The following CASR variants were observed in gnomAD, a reference collection of about 807,000 sequenced individuals.
CASR encodes extracellular calcium-sensing receptor.
Under a neutral mutation model 69.1 loss-of-function variants are expected in CASR, and 23 were observed. The ratio of observed to expected loss-of-function variants is 0.33; its 90% CI spans 0.24 to 0.47. The LOEUF (loss-of-function observed/expected upper bound fraction) is 0.47, where lower values mean the gene tolerates loss of function less well. CASR is among the 20% of genes least tolerant of loss of function. CASR has a pLI of 1.00. For synonymous variants in CASR, 541 were observed against 544.7 expected (o/e 0.99, Z 0.10); for missense variants, 924 against 1,356.1 (o/e 0.68, Z 5.00).
In CASR at chr3:122,283,820, G is replaced by A. The variant is rs2074923932; in HGVS notation, c.1866G>A (p.Leu622=). Reference sequence around the variant, plus strand: ...TCGCACTCACCCTCTTTGCCGTGCTGGGCATTTTCCTGACAGCCTTTGTGC... The same window carrying A: ...TCGCACTCACCCTCTTTGCCGTGCTAGGCATTTTCCTGACAGCCTTTGTGC... ...FGIALTLFAV[L]GIFLTAFVLG... The change falls in exon 7 of 7, where the codon CTG becomes CTA. Residue 622 remains leucine, a synonymous_variant. Coordinates refer to ENST00000639785, the MANE Select transcript of CASR (RefSeq NM_000388.4). The A allele has an allele frequency of 1.2e-6, 2 of 1,614,000 alleles. No individual in the cohort carries two copies. Among genetic ancestry groups the A allele is most frequent in the South Asian group, 2.2e-5 (2 of 91,076 alleles).
At chr3:122,220,743 G>A (rs2074161959) in intron 1 of CASR, among the ~76,000 whole-genome samples, 1 of 152,186 alleles carries the variant, frequency 6.6e-6, no homozygotes, top group Non-Finnish European at 1.5e-5. Flanking sequence ...CGAGGCCGAG[G>A]TGGATGGATC....
intron 1 of CASR, among the ~76,000 whole-genome samples, chr3:122,191,572 A>G (rs2107580257): frequency 6.6e-6 from 1 of 152,314 alleles, no homozygotes; most frequent in South Asian, 2.1e-4. Flanking sequence ...TCAGCCTCCC[A>G]AAGTGCTGGG....
chr3:122,216,186 CA>C (rs1428470860), intron 1 of CASR, among the ~76,000 whole-genome samples: 17 of 152,316 alleles, frequency 1.1e-4, no homozygotes, highest in Admixed American at 9.8e-4. Flanking sequence ...AGTCAGTTCA[CA>C]GACAGCCACA....
intron 1 of CASR, among the ~76,000 whole-genome samples, chr3:122,187,902 G>A (rs1248584750): frequency 6.6e-6 from 1 of 152,156 alleles, no homozygotes; most frequent in Non-Finnish European, 1.5e-5. Context: ...GATTTGAGTC[G>A]TGGTTCTGCC....
At chr3:122,283,471 T>C (rs1310913343) in intron 6 of CASR, among the ~76,000 whole-genome samples, 2 of 152,122 alleles carry the variant, frequency 1.3e-5, no homozygotes, top group African/African-American at 4.8e-5. Flanking sequence ...AAACTAACAA[T>C]AGAACCATCA....
intron 1 of CASR, among the ~76,000 whole-genome samples, chr3:122,251,826 C>G (rs1036135391): frequency 6.6e-6 from 1 of 152,264 alleles, no homozygotes; most frequent in East Asian, 1.9e-4. Flanking sequence ...CATTAAGTGA[C>G]TTGCCCAAAG....
chr3:122,279,219 G>C (rs2074858218), intron 5 of CASR, among the ~76,000 whole-genome samples: 1 of 152,156 alleles, frequency 6.6e-6, no homozygotes, highest in Non-Finnish European at 1.5e-5. Context: ...ACATTATGGA[G>C]TGCTATATCA....
chr3:122,192,335 T>C (rs545986365), intron 1 of CASR, among the ~76,000 whole-genome samples: 4 of 152,210 alleles, frequency 2.6e-5, no homozygotes, highest in Non-Finnish European at 5.9e-5. Flanking sequence ...ATCTAACATA[T>C]AGGGCTGTTA....
chr3:122,239,926 G>A (rs1264956677), intron 1 of CASR, among the ~76,000 whole-genome samples: 2 of 152,102 alleles, frequency 1.3e-5, no homozygotes, highest in Non-Finnish European at 2.9e-5. Flanking sequence ...AAGAGTTACT[G>A]GTCTTAAAAA....
In CASR at chr3:122,288,683, T is replaced by C. The variant is rs930345983; in HGVS notation, c.*3492T>C. 2 of 152,156 alleles carry C rather than the reference T, an allele frequency of 1.3e-5. No individual in the cohort carries two copies. The highest frequency in any genetic ancestry group is 4.8e-5 in the African/African-American group (2 of 41,440). The allele number at this position is 152,156 out of a possible 1,614,324, so 9.4% of individuals were successfully genotyped here. A position where few individuals can be genotyped will look rare whatever the true frequency, so the allele number is the denominator to read the frequency against. On this transcript the variant is annotated 3_prime_UTR_variant, in exon 7 of 7. Transcript: ENST00000639785. ...ACAGCCGTGTTGTCTCATTCTATTA[T>C]CTGTCAGTAGCAGAAACCTGAAATT...
intron 1 of CASR, among the ~76,000 whole-genome samples, chr3:122,243,670 T>G (rs1328001719): frequency 6.6e-6 from 1 of 152,122 alleles, no homozygotes; most frequent in Non-Finnish European, 1.5e-5. Flanking sequence ...ATCCCACTGC[T>G]AGGTATATAT....
chr3:122,257,092 G>A lies in CASR; in HGVS notation c.197G>A (p.Arg66His), dbSNP rs1276839362. 2 of 1,613,928 alleles carry A rather than the reference G, an allele frequency of 1.2e-6. No individual in the cohort carries two copies. Among genetic ancestry groups the A allele is most frequent in the Admixed American group, 1.7e-5 (1 of 60,016 alleles). ...ESVECIRYNFRGFRWLQAMIF... is the reference protein window; with the variant it reads ...ESVECIRYNFHGFRWLQAMIF... ...CTTCTTTCTTCCAGGTATAATTTCC[G>A]TGGGTTTCGCTGGTTACAGGCTATG... is the stretch of plus-strand genomic sequence containing the variant. Residue 66 changes from arginine to histidine, a missense_variant, in exon 3 of 7, where the codon CGT (arginine) becomes CAT (histidine). Transcript: ENST00000639785.
Position 122,283,899 on chromosome 3 carries a change from G to C in CASR, c.1945G>C (p.Glu649Gln), listed in dbSNP as rs1483325249. Reference sequence around the variant, plus strand: ...ACCCATTGTCAAGGCCACCAACCGAGAGCTCTCCTACCTCCTCCTCTTCTC... The same window carrying C: ...ACCCATTGTCAAGGCCACCAACCGACAGCTCTCCTACCTCCTCCTCTTCTC... The part of the protein sequence containing the change: ...NTPIVKATNR[E>Q]LSYLLLFSLL... The change falls in exon 7 of 7, where the codon GAG (glutamate) becomes CAG (glutamine). Residue 649 changes from glutamate (E) to glutamine (Q), a missense_variant. By Grantham distance (29) the Glu-to-Gln change is conservative. Transcript: ENST00000639785. The C allele has an allele frequency of 6.2e-7, 1 of 1,613,538 alleles. No homozygotes were observed. The highest frequency in any genetic ancestry group is 1.3e-5 in the African/African-American group (1 of 74,900).
At chr3:122,241,167 A>G (rs367610847) in intron 1 of CASR, among the ~76,000 whole-genome samples, 1 of 152,144 alleles carries the variant, frequency 6.6e-6, no homozygotes, top group East Asian at 1.9e-4. Context: ...AGTAGAAGAA[A>G]AGAAATAATA....
At chr3:122,264,521 A>G (rs2074665060) in intron 4 of CASR, among the ~76,000 whole-genome samples, 1 of 152,226 alleles carries the variant, frequency 6.6e-6, no homozygotes, top group African/African-American at 2.4e-5. Context: ...GAAGAAATAG[A>G]AGCAAAGCAG....
chr3:122,205,722 G>C (rs1266725342), intron 1 of CASR, among the ~76,000 whole-genome samples: 1 of 151,788 alleles, frequency 6.6e-6, no homozygotes, highest in African/African-American at 2.4e-5. Context: ...TTCATTTTTT[G>C]TGTGTGTCCT....
At chr3:122,218,275 C>T (rs943382701) in intron 1 of CASR, among the ~76,000 whole-genome samples, 1 of 152,032 alleles carries the variant, frequency 6.6e-6, no homozygotes, top group Non-Finnish European at 1.5e-5. Context: ...GTAGCTCACA[C>T]CTGTAATCCC....
chr3:122,224,956 T>A (rs569745408), intron 1 of CASR, among the ~76,000 whole-genome samples: 85 of 152,262 alleles, frequency 5.6e-4, no homozygotes, highest in African/African-American at 2.0e-3. Context: ...ACTCCCCATA[T>A]GATCATCTCA....
intron 1 of CASR, among the ~76,000 whole-genome samples, chr3:122,250,139 G>T (rs2074468508): frequency 6.6e-6 from 1 of 152,144 alleles, no homozygotes; most frequent in African/African-American, 2.4e-5. Flanking sequence ...CTGGCCACAG[G>T]AGTGTGTAGG....
Sources: allele counts gnomAD v4.1 joint callset (sites outside exome capture counted in the v4.1 genomes callset), GRCh38; gene constraint gnomAD v4.1.1; transcripts MANE v1.5; gene names NCBI Gene and HGNC (gene_info 2026-07-23, HGNC 2026-07-21).